The following EPHA7 variants were observed in gnomAD, a reference collection of about 807,000 sequenced individuals.
The protein encoded by EPHA7 is EPH receptor A7, also known as ephrin type-A receptor 7.
Under a neutral mutation model 112.6 loss-of-function variants are expected in EPHA7, and 25 were observed. That is an observed-to-expected ratio of 0.22 (90% CI 0.16 to 0.31). The LOEUF (loss-of-function observed/expected upper bound fraction) is 0.31. EPHA7 is among the 10% of genes least tolerant of loss of function. The probability of loss-of-function intolerance (pLI) is 1.00; values close to 1 mark genes in which losing one functional copy is unlikely to be tolerated. For missense variants in EPHA7, 962 were observed against 1,212.6 expected, an observed-to-expected ratio of 0.79 and a Z score of 3.07; for synonymous variants, 437 against 406.5, an observed-to-expected ratio of 1.07 and a Z score of -0.90.
rs545829570 is a variant in EPHA7 at position 93,388,571 on chromosome 6, T to A, written c.832+21930A>T. Among the ~76,000 whole-genome samples the A allele has an allele frequency of 3.9e-5, 6 of 152,214 alleles. No homozygotes were observed. The East Asian group carries it at 9.7e-4, about 25-fold the overall frequency. On this transcript the variant is annotated intron_variant, in intron 3 of 16. Transcript: ENST00000369303. ...GCTATTATTTTGTAGTAACCTATAA[T>A]CTAATGGGGCACATTACAGTAAAGT...
At chr6:93,347,226 A>G (rs1421854743) in intron 5 of EPHA7, among the ~76,000 whole-genome samples, 1 of 151,890 alleles carries the variant, frequency 6.6e-6, no homozygotes, top group Non-Finnish European at 1.5e-5. Flanking sequence ...AACTTACCCA[A>G]GCTTCAAAAC....
intron 7 of EPHA7, among the ~76,000 whole-genome samples, chr6:93,267,857 TG>T (rs1771020903): frequency 1.3e-5 from 2 of 151,728 alleles, no homozygotes; most frequent in Admixed American, 1.3e-4. Flanking sequence ...AATCTAAAAG[TG>T]TTTTTAAATA....
chr6:93,287,034 G>A (rs1416616769), intron 5 of EPHA7, among the ~76,000 whole-genome samples: 1 of 152,156 alleles, frequency 6.6e-6, no homozygotes, highest in Non-Finnish European at 1.5e-5. Context: ...TTGATTCACA[G>A]TACTAACAAG....
chr6:93,369,640 T>C (rs1183448022), intron 3 of EPHA7, among the ~76,000 whole-genome samples: 1 of 152,206 alleles, frequency 6.6e-6, no homozygotes, highest in East Asian at 1.9e-4. Flanking sequence ...CACTATGTCA[T>C]TCACACTGCC....
At chr6:93,344,819 T>G (rs1185648129) in intron 5 of EPHA7, among the ~76,000 whole-genome samples, 2 of 151,562 alleles carry the variant, frequency 1.3e-5, no homozygotes, top group African/African-American at 4.8e-5. Flanking sequence ...TGGCCACCCC[T>G]CTTTGGTCTT....
chr6:93,264,011 G>A, intron 8 of EPHA7, 96 bp from the exon 9 acceptor site: 1 of 827,266 alleles, frequency 1.2e-6, no homozygotes. Context: ...ACTTACTAGA[G>A]TTAAATTTAC....
intron 3 of EPHA7, among the ~76,000 whole-genome samples, chr6:93,360,278 TA>T (rs1331626213): frequency 9.6e-6 from 1 of 104,134 alleles, no homozygotes; most frequent in African/African-American, 3.9e-5. Flanking sequence ...TCTTCTTTTT[TA>T]AAATATTCAT....
intron 7 of EPHA7, among the ~76,000 whole-genome samples, chr6:93,265,001 C>G (rs1056130975): frequency 4.0e-5 from 6 of 151,646 alleles, no homozygotes; most frequent in Admixed American, 4.0e-4. Flanking sequence ...ATAGACACAT[C>G]TGATCTGCAT....
chr6:93,390,358 G>C (rs1034341954), intron 3 of EPHA7, among the ~76,000 whole-genome samples: 1 of 151,364 alleles, frequency 6.6e-6, no homozygotes, highest in Non-Finnish European at 1.5e-5. Flanking sequence ...CCATAAAAAA[G>C]GCAATTTGAA....
At chr6:93,350,908 T>G (rs1775659352) in intron 5 of EPHA7, among the ~76,000 whole-genome samples, 1 of 152,010 alleles carries the variant, frequency 6.6e-6, no homozygotes, top group Non-Finnish European at 1.5e-5. Flanking sequence ...AAATAAAAAT[T>G]CCCCAGTAAT....
chr6:93,342,500 T>A (rs921702687), intron 5 of EPHA7, among the ~76,000 whole-genome samples: 6 of 151,768 alleles, frequency 4.0e-5, no homozygotes, highest in Admixed American at 6.6e-5. Context: ...AGTTGACTAG[T>A]CCCTAGGGTG....
chr6:93,367,113 T>C (rs1232985159), intron 3 of EPHA7, among the ~76,000 whole-genome samples: 1 of 152,146 alleles, frequency 6.6e-6, no homozygotes, highest in Non-Finnish European at 1.5e-5. Context: ...CATTAAATTA[T>C]TTATTTGTAG....
chr6:93,308,693 T>G lies in EPHA7; in HGVS notation c.1325-36271A>C, dbSNP rs575077631. 7.9e-5 allele frequency among the ~76,000 whole-genome samples: 12 copies of G among 152,224 alleles called. No individual in the cohort carries two copies. The East Asian group carries it at 2.1e-3, about 27-fold the overall frequency. ...ATCTACACATAGGTATTCAACTATATAGTTAAGAGTTAATAGCTAGTTAGG... is the reference window on the plus strand; with the variant it reads ...ATCTACACATAGGTATTCAACTATAGAGTTAAGAGTTAATAGCTAGTTAGG... On this transcript the variant is annotated intron_variant, in intron 5 of 16. Coordinates refer to ENST00000369303, the MANE Select transcript of EPHA7 (RefSeq NM_004440.4).
rs531465090 is a variant in EPHA7 at position 93,376,494 on chromosome 6, A to T, written c.833-18083T>A. On this transcript the variant is annotated intron_variant, in intron 3 of 16. Coordinates refer to ENST00000369303, the MANE Select transcript of EPHA7 (RefSeq NM_004440.4). ...AGTCTGCCACCAAATAACTGACATGAATTCTTTGAGAACATAACTGATCAT... is the reference window on the plus strand; with the variant it reads ...AGTCTGCCACCAAATAACTGACATGTATTCTTTGAGAACATAACTGATCAT... 6.6e-5 allele frequency among the ~76,000 whole-genome samples: 10 copies of T among 152,300 alleles called. 1 individual carries two copies. The highest frequency in any genetic ancestry group is 6.8e-3 in the Middle Eastern group (2 of 294).
chr6:93,342,269 C>A (rs1274035872), intron 5 of EPHA7, among the ~76,000 whole-genome samples: 1 of 151,152 alleles, frequency 6.6e-6, no homozygotes, highest in Non-Finnish European at 1.5e-5. Context: ...TTCACTCTTG[C>A]TGTCCTATCC....
chr6:93,375,195 T>C (rs1338907581), intron 3 of EPHA7, among the ~76,000 whole-genome samples: 1 of 152,166 alleles, frequency 6.6e-6, no homozygotes, highest in African/African-American at 2.4e-5. Flanking sequence ...GTTTAGCATG[T>C]TATTTTGGTA....
intron 4 of EPHA7, 51 bp downstream of exon 4, chr6:93,358,205 C>T (rs1378116651): frequency 6.9e-7 from 1 of 1,439,720 alleles, no homozygotes; most frequent in Non-Finnish European, 9.3e-7. Context: ...CACAACAGTA[C>T]AAATGAGTGG....
Position 93,397,976 on chromosome 6 carries a change from A to T in EPHA7, c.832+12525T>A, listed in dbSNP as rs372989503. Among the ~76,000 whole-genome samples the T allele has an allele frequency of 6.6e-5, 10 of 152,034 alleles. No individual in the cohort carries two copies. The South Asian group carries it at 2.1e-3, about 31-fold the overall frequency. On this transcript the variant is annotated intron_variant, in intron 3 of 16. Coordinates refer to ENST00000369303, the MANE Select transcript of EPHA7 (RefSeq NM_004440.4). ...GAGTTGTATTCACAGGTTCCTGAAT[A>T]TGTATGTTCTTTTACAGATCTAACA...
chr6:93,342,096 G>T (rs1736357649), intron 5 of EPHA7, among the ~76,000 whole-genome samples: 1 of 151,776 alleles, frequency 6.6e-6, no homozygotes, highest in South Asian at 2.1e-4. Flanking sequence ...GCTTGATAAT[G>T]CAAGTCAAAT....
Sources: gnomAD v4.1 joint callset for allele counts (sites outside exome capture counted in the v4.1 genomes callset) on GRCh38, gnomAD v4.1.1 for gene constraint, MANE v1.5 for transcripts, NCBI Gene and HGNC (gene_info 2026-07-23, HGNC 2026-07-21) for gene names.